TNFRSF1B: variants seen among roughly 807,000 people sequenced by gnomAD.
TNFRSF1B encodes the protein tumor necrosis factor receptor superfamily member 1B.
TNFRSF1B carries 19 observed loss-of-function variants against 44.6 expected under a neutral mutation model. The ratio of observed to expected loss-of-function variants is 0.43; its 90% CI spans 0.30 to 0.62. The LOEUF (loss-of-function observed/expected upper bound fraction) is 0.62, where lower values mean the gene tolerates loss of function less well. Ranked by LOEUF, TNFRSF1B falls within the 20% of genes least tolerant of loss-of-function variation. TNFRSF1B has a pLI of 0.16. For missense variants in TNFRSF1B, 541 were observed against 619.9 expected (o/e 0.87, Z 1.35); for synonymous variants, 252 against 261.1 (o/e 0.97, Z 0.34).
chr1:12,199,284 C>T lies in TNFRSF1B; in HGVS notation c.901-2683C>T, dbSNP rs1639337892. Among the ~76,000 whole-genome samples the T allele has an allele frequency of 6.6e-6, 1 of 152,176 alleles. No individual in the cohort carries two copies. Among genetic ancestry groups the T allele is most frequent in the Non-Finnish European group, 1.5e-5 (1 of 68,032 alleles). ...CCAGGCTCAGAGCAGGGCTGGGGGG[C>T]AGTTGTGGGCAGTGACCAGGGTCAG... is the stretch of plus-strand genomic sequence containing the variant. On this transcript the variant is annotated intron_variant, in intron 8 of 9. Coordinates refer to ENST00000376259, the MANE Select transcript of TNFRSF1B (RefSeq NM_001066.3). This position sits in a 1 kb window ranked among gnomAD's most constrained non-coding sequence, Gnocchi z 4.0.
intron 9 of TNFRSF1B, among the ~76,000 whole-genome samples, chr1:12,203,175 GC>G (rs1395734267): frequency 1.3e-5 from 2 of 152,218 alleles, no homozygotes; most frequent in Non-Finnish European, 2.9e-5. Context: ...TGAGATCCTT[GC>G]CTGGCCACTC....
At chr1:12,190,679 C>G (rs1055814734) in intron 2 of TNFRSF1B, among the ~76,000 whole-genome samples, 2 of 152,018 alleles carry the variant, frequency 1.3e-5, no homozygotes, top group Non-Finnish European at 2.9e-5. Flanking sequence ...CAAGCTAGTT[C>G]TTACTAAAGT....
intron 1 of TNFRSF1B, among the ~76,000 whole-genome samples, chr1:12,185,665 G>C (rs556182083): frequency 1.6e-3 from 240 of 152,364 alleles, no homozygotes; most frequent in African/African-American, 5.6e-3. Flanking sequence ...TGATGGGCCT[G>C]GGGTGGGCCT....
chr1:12,174,262 T>TTCTCCTTCTCCTTCTCCTTCTC lies in TNFRSF1B; in HGVS notation c.78+7093_78+7094insTCTCCTTCTCCTTCTCCTTCTC, dbSNP rs1422439287. On this transcript the variant is annotated intron_variant, in intron 1 of 9. Coordinates refer to ENST00000376259, the MANE Select transcript of TNFRSF1B (RefSeq NM_001066.3). ...TCCTTCTCCTTCTCCTTCTCCTTCT[T>TTCTCCTTCTCCTTCTCCTTCTC]CTTCTGATGGAGTCTGACTCCGTTG... 2.9e-4 allele frequency among the ~76,000 whole-genome samples: 32 copies of TTCTCCTTCTCCTTCTCCTTCTC among 111,588 alleles called. 4 individuals carry two copies. The highest frequency in any genetic ancestry group is 2.2e-3 in the Admixed American group (24 of 10,698). 73.2% of individuals were successfully genotyped at this position (111,588 alleles called of 152,430 possible).
Position 12,201,339 on chromosome 1 carries a change from A to T in TNFRSF1B, c.901-628A>T, listed in dbSNP as rs1042832867. Among the ~76,000 whole-genome samples, 5 of 150,902 alleles carry T rather than the reference A, an allele frequency of 3.3e-5. 1 individual carries two copies. Among genetic ancestry groups the T allele is most frequent in the Non-Finnish European group, 2.9e-5 (2 of 67,884 alleles). On this transcript the variant is annotated intron_variant, in intron 8 of 9. Transcript: ENST00000376259. Reference sequence around the variant, plus strand: ...TGGGCCTCTGGGCAATCATTTGCCTAGTTCTGATTTAACAAACTCTTGTAT... The same window carrying T: ...TGGGCCTCTGGGCAATCATTTGCCTTGTTCTGATTTAACAAACTCTTGTAT...
chr1:12,182,643 C>T (rs1035467686), intron 1 of TNFRSF1B, among the ~76,000 whole-genome samples: 2 of 152,252 alleles, frequency 1.3e-5, no homozygotes, highest in Admixed American at 6.5e-5. Context: ...GACTTGATCT[C>T]CCTGAGCTGT....
At position 12,207,501 on chromosome 1, in the gene TNFRSF1B, GAC is replaced by G. The variant is rs1639533700; in HGVS notation, c.*483_*484del. ...CTGCCTGAGTCACCCATGAAGACAG[GAC>G]AGTGCTTCAGCCTGAGGCTGAGACT... is the stretch of plus-strand genomic sequence containing the variant. On this transcript the variant is annotated 3_prime_UTR_variant, in exon 10 of 10. Coordinates refer to ENST00000376259, the MANE Select transcript of TNFRSF1B (RefSeq NM_001066.3). The G allele has an allele frequency of 6.4e-6, 1 of 157,376 alleles. No homozygotes were observed. The highest frequency in any genetic ancestry group is 1.4e-5 in the Non-Finnish European group (1 of 71,656). The allele number at this position is 157,376 out of a possible 1,614,324, so 9.7% of individuals were successfully genotyped here.
chr1:12,188,880 A>C lies in TNFRSF1B; in HGVS notation c.163A>C (p.Ser55Arg), dbSNP rs1165015756. ...TGACCAGACAGCTCAGATGTGCTGC[A>C]GCAAATGCTCGCCGGGTGAGGGCAG... is the stretch of plus-strand genomic sequence containing the variant. ...YYDQTAQMCC[S>R]KCSPGQHAKV... The change falls in exon 2 of 10, where the codon AGC becomes CGC. Residue 55 changes from serine to arginine, a missense_variant. Coordinates refer to ENST00000376259, the MANE Select transcript of TNFRSF1B (RefSeq NM_001066.3). 1 of 1,613,632 alleles carries C rather than the reference A, an allele frequency of 6.2e-7. No homozygotes were observed. Among genetic ancestry groups the C allele is most frequent in the South Asian group, 1.1e-5 (1 of 91,028 alleles).
chr1:12,191,295 G>T (rs1466248690), intron 3 of TNFRSF1B, among the ~76,000 whole-genome samples: 1 of 152,278 alleles, frequency 6.6e-6, no homozygotes, highest in South Asian at 2.1e-4. Flanking sequence ...GGCGGTGGGA[G>T]AACTGTGCCC....
rs540474386 is a variant in TNFRSF1B, at chr1:12,201,828, G to A, written c.901-139G>A. 3.5e-4 allele frequency: 440 copies of A among 1,241,514 alleles called. 1 individual carries two copies. Among genetic ancestry groups the A allele is most frequent in the South Asian group, 1.2e-3 (74 of 62,942 alleles). The allele number at this position is 1,241,514 out of a possible 1,614,324, so 76.9% of individuals were successfully genotyped here. ...AAAAAGTGCCGTGTGTGGAAAGAAC[G>A]TGCAAGGGTGGGCAGAAACGTCACG... On this transcript the variant is annotated intron_variant, in intron 8 of 9. Coordinates refer to ENST00000376259, the MANE Select transcript of TNFRSF1B (RefSeq NM_001066.3).
At position 12,208,750 on chromosome 1, in the gene TNFRSF1B, A is replaced by G. The variant is rs1227758092; in HGVS notation, c.*1730A>G. ...CAGCTGAACTATTGGAGGGTGGGAG[A>G]GCCCAGCCATTACCATGGAGACAAG... On this transcript the variant is annotated 3_prime_UTR_variant, in exon 10 of 10. Coordinates refer to ENST00000376259, the MANE Select transcript of TNFRSF1B (RefSeq NM_001066.3). 2 of 152,200 alleles carry G rather than the reference A, an allele frequency of 1.3e-5. No homozygotes were observed. The highest frequency in any genetic ancestry group is 4.8e-5 in the African/African-American group (2 of 41,428). 9.4% of individuals were successfully genotyped at this position (152,200 alleles called of 1,614,324 possible). A position where few individuals can be genotyped will look rare whatever the true frequency, so the allele number is the denominator to read the frequency against.
In TNFRSF1B at chr1:12,206,955, C is replaced by A. The variant is rs200600328; in HGVS notation, c.1321C>A (p.Leu441Met). 5 of 1,612,764 alleles carry A rather than the reference C, an allele frequency of 3.1e-6. No homozygotes were observed. The highest frequency in any genetic ancestry group is 1.3e-5 in the African/African-American group (1 of 75,026). The part of the protein sequence containing the change: ...RSQLETPETL[L>M]GSTEEKPLPL... ...ACAGCTGGAGACGCCAGAGACCCTG[C>A]TGGGGAGCACCGAAGAGAAGCCCCT... Residue 441 changes from leucine to methionine, a missense_variant, in exon 10 of 10, where the codon CTG becomes ATG. Coordinates refer to ENST00000376259, the MANE Select transcript of TNFRSF1B (RefSeq NM_001066.3).
chr1:12,200,630 CT>C (rs879799451), intron 8 of TNFRSF1B, among the ~76,000 whole-genome samples: 3 of 151,524 alleles, frequency 2.0e-5, no homozygotes, highest in Middle Eastern at 3.4e-3. Context: ...GCAAATTATT[CT>C]TTTTTTTTGA....
At chr1:12,181,826 C>T (rs1367961670) in intron 1 of TNFRSF1B, among the ~76,000 whole-genome samples, 3 of 152,254 alleles carry the variant, frequency 2.0e-5, no homozygotes, top group Non-Finnish European at 4.4e-5. Flanking sequence ...CCCCACCTCC[C>T]AGCTCGTGCT....
At chr1:12,205,335 C>T (rs1639478790) in intron 9 of TNFRSF1B, among the ~76,000 whole-genome samples, 1 of 152,046 alleles carries the variant, frequency 6.6e-6, no homozygotes, top group Admixed American at 6.6e-5. Flanking sequence ...GAAGGAACCC[C>T]ATCAAGGTCT....
intron 8 of TNFRSF1B, among the ~76,000 whole-genome samples, chr1:12,197,351 C>A (rs1639288492): frequency 6.6e-6 from 1 of 152,144 alleles, no homozygotes; most frequent in Non-Finnish European, 1.5e-5. Context: ...ACCCCCAAAC[C>A]CTGATTTGTG....
rs774150151 is a variant in TNFRSF1B, at chr1:12,201,989, C to T, written c.923C>T (p.Ala308Val). ...CAGCCTCACTTGCCTGCCGATAAGG[C>T]CCGGGGTACACAGGGCCCCGAGCAG... ...AKVPHLPADKARGTQGPEQQH... is the reference protein window; with the variant it reads ...AKVPHLPADKVRGTQGPEQQH... Residue 308 changes from alanine to valine, a missense_variant, in exon 9 of 10, where the codon GCC becomes GTC. Coordinates refer to ENST00000376259, the MANE Select transcript of TNFRSF1B (RefSeq NM_001066.3). 8 of 1,612,726 alleles carry T rather than the reference C, an allele frequency of 5.0e-6. No homozygotes were observed. The highest frequency in any genetic ancestry group is 5.9e-6 in the Non-Finnish European group (7 of 1,179,642).
intron 1 of TNFRSF1B, among the ~76,000 whole-genome samples, chr1:12,175,141 C>A (rs1045424541): frequency 1.3e-5 from 2 of 152,138 alleles, no homozygotes; most frequent in African/African-American, 4.8e-5. Context: ...GAGCTGTCAG[C>A]GGGAGGCCTT....
At chr1:12,176,279 C>A (rs556694314) in intron 1 of TNFRSF1B, among the ~76,000 whole-genome samples, 1 of 152,296 alleles carries the variant, frequency 6.6e-6, no homozygotes, top group Admixed American at 6.5e-5. Context: ...AGGACTGTCC[C>A]AGCTGTCCTA....
Sources: allele counts gnomAD v4.1 joint callset (sites outside exome capture counted in the v4.1 genomes callset), GRCh38; gene constraint gnomAD v4.1.1; non-coding constraint Gnocchi (gnomAD v3.1); transcripts MANE v1.5; gene names NCBI Gene and HGNC (gene_info 2026-07-23, HGNC 2026-07-21).